Variants in KIRREL3 observed in about 807,000 individuals in gnomAD.
KIRREL3 encodes kirre like nephrin family adhesion molecule 3.
A neutral mutation model predicts 89.7 loss-of-function variants in KIRREL3; 36 were observed. That is an observed-to-expected ratio of 0.40 (90% CI 0.31 to 0.53). The LOEUF is 0.53. Among genes scored for constraint, KIRREL3 ranks in the 20% least tolerant of loss-of-function variants. The probability of loss-of-function intolerance (pLI) is 0.49; values close to 1 mark genes in which losing one functional copy is unlikely to be tolerated. For missense variants in KIRREL3, 864 were observed against 1,056.6 expected (o/e 0.82, Z 2.53); for synonymous variants, 445 against 441.4 (o/e 1.01, Z -0.10).
chr11:126,945,805 C>G (rs1191747988), intron 1 of KIRREL3, among the ~76,000 whole-genome samples: 1 of 152,168 alleles, frequency 6.6e-6, no homozygotes, highest in Non-Finnish European at 1.5e-5. Flanking sequence ...GTTTTCCAAG[C>G]TTCTGTTAGT....
At chr11:126,548,767 C>T (rs1939019712) in intron 2 of KIRREL3, among the ~76,000 whole-genome samples, 1 of 152,196 alleles carries the variant, frequency 6.6e-6, no homozygotes, top group Admixed American at 6.5e-5. Context: ...ATCTCTGAAT[C>T]CAGCAGAAAT....
At chr11:126,854,126 T>TTGTGTGTGTG (rs375873911) in intron 1 of KIRREL3, among the ~76,000 whole-genome samples, 2,055 of 143,954 alleles carry the variant, frequency 0.014, 28 homozygotes, top group African/African-American at 0.027. Flanking sequence ...AATAAGTTTC[T>TTGTGTGTGTG]TGTGTGTGTG....
At chr11:126,968,303 C>T (rs954077913) in intron 1 of KIRREL3, among the ~76,000 whole-genome samples, 1 of 151,786 alleles carries the variant, frequency 6.6e-6, no homozygotes, top group Non-Finnish European at 1.5e-5. Context: ...CTGCCATGCT[C>T]CAGATGTAGG....
Position 126,744,466 on chromosome 11 carries a change from C to A in KIRREL3, c.56-181554G>T, listed in dbSNP as rs891416433. On this transcript the variant is annotated intron_variant, in intron 1 of 16. Transcript: ENST00000525144. The surrounding 1 kb of genome is among the most constrained non-coding windows in gnomAD (Gnocchi z 4.7). Reference sequence around the variant, plus strand: ...CGGGGACAAGGAAATGGAGAGGTGGCGCAGGTGCGAAATGTATCTTGATGG... The same window carrying A: ...CGGGGACAAGGAAATGGAGAGGTGGAGCAGGTGCGAAATGTATCTTGATGG... Among the ~76,000 whole-genome samples the A allele has an allele frequency of 6.6e-6, 1 of 152,116 alleles. No homozygotes were observed. Among genetic ancestry groups the A allele is most frequent in the East Asian group, 1.9e-4 (1 of 5,188 alleles).
intron 1 of KIRREL3, among the ~76,000 whole-genome samples, chr11:126,621,166 A>G (rs1018697741): frequency 6.6e-6 from 1 of 152,260 alleles, no homozygotes; most frequent in African/African-American, 2.4e-5. Flanking sequence ...AATTACTGCT[A>G]AGATGTAGCT....
rs1183525481 is a variant in KIRREL3 at position 126,685,000 on chromosome 11, C to T, written c.56-122088G>A. Among the ~76,000 whole-genome samples the T allele has an allele frequency of 6.6e-6, 1 of 152,140 alleles. No individual in the cohort carries two copies. Among genetic ancestry groups the T allele is most frequent in the Non-Finnish European group, 1.5e-5 (1 of 68,024 alleles). On this transcript the variant is annotated intron_variant, in intron 1 of 16. Coordinates refer to ENST00000525144, the MANE Select transcript of KIRREL3 (RefSeq NM_032531.4). This position sits in a 1 kb window ranked among gnomAD's most constrained non-coding sequence, Gnocchi z 4.2. ...TTCTGGCTTCCCTCTTTTTCTCCTT[C>T]CTCTTCTCCTCCTCTAATATGGAAG... is the stretch of plus-strand genomic sequence containing the variant.
chr11:126,845,390 T>C (rs1215432752), intron 1 of KIRREL3, among the ~76,000 whole-genome samples: 2 of 152,118 alleles, frequency 1.3e-5, no homozygotes, highest in Non-Finnish European at 2.9e-5. Context: ...TCACTGTTTA[T>C]CTCCTCTGTT....
intron 1 of KIRREL3, among the ~76,000 whole-genome samples, chr11:126,916,403 C>A (rs1255202220): frequency 6.6e-6 from 1 of 152,182 alleles, no homozygotes; most frequent in Non-Finnish European, 1.5e-5. Flanking sequence ...CCAGAATCTG[C>A]ATTTTTAACA....
chr11:126,453,664 C>A (rs1185838994), intron 7 of KIRREL3, among the ~76,000 whole-genome samples: 1 of 152,174 alleles, frequency 6.6e-6, no homozygotes, highest in Admixed American at 6.5e-5. Context: ...GCGCCCACCA[C>A]CTCCCCTCTC....
At position 126,627,058 on chromosome 11, in the gene KIRREL3, G is replaced by C. The variant is rs1361306215; in HGVS notation, c.56-64146C>G. Among the ~76,000 whole-genome samples the C allele has an allele frequency of 6.6e-6, 1 of 151,768 alleles. No individual in the cohort carries two copies. The highest frequency in any genetic ancestry group is 1.5e-5 in the Non-Finnish European group (1 of 67,964). ...CCACAGTTTTGAAGCCTCAAAGGAA[G>C]GTGTGTGTGCATGCATGTGTGTGTA... On this transcript the variant is annotated intron_variant, in intron 1 of 16. Coordinates refer to ENST00000525144, the MANE Select transcript of KIRREL3 (RefSeq NM_032531.4). The surrounding 1 kb of genome is among the most constrained non-coding windows in gnomAD (Gnocchi z 5.0).
chr11:126,986,447 C>T (rs1344315236), intron 1 of KIRREL3, among the ~76,000 whole-genome samples: 1 of 152,032 alleles, frequency 6.6e-6, no homozygotes, highest in Non-Finnish European at 1.5e-5. Context: ...AAAATCTATC[C>T]TTTATGGACA....
At chr11:126,730,171 C>T (rs61897914) in intron 1 of KIRREL3, among the ~76,000 whole-genome samples, 24,486 of 152,154 alleles carry the variant, frequency 0.16, 2,091 homozygotes, top group African/African-American at 0.19. Flanking sequence ...ATTTACATCA[C>T]GTCTCCACTT....
At chr11:126,690,561 G>T (rs1946841400) in intron 1 of KIRREL3, among the ~76,000 whole-genome samples, 1 of 152,032 alleles carries the variant, frequency 6.6e-6, no homozygotes, top group Non-Finnish European at 1.5e-5. Flanking sequence ...GGGTTTTCTG[G>T]GTGTCCCTAG....
intron 2 of KIRREL3, among the ~76,000 whole-genome samples, chr11:126,554,362 A>G (rs1452340745): frequency 6.6e-6 from 1 of 152,128 alleles, no homozygotes; most frequent in Non-Finnish European, 1.5e-5. Context: ...TGTTTGCCAT[A>G]AGCCCCAGGA....
At chr11:126,866,776 C>T (rs1010364363) in intron 1 of KIRREL3, among the ~76,000 whole-genome samples, 6 of 152,076 alleles carry the variant, frequency 3.9e-5, no homozygotes, top group African/African-American at 1.4e-4. Flanking sequence ...GACGCAGACG[C>T]GAGGAGAATT....
At position 126,519,170 on chromosome 11, in the gene KIRREL3, C is replaced by A. The variant is rs9971527; in HGVS notation, c.433+2145G>T. The stretch of plus-strand genomic sequence containing the variant: ...AGAGGGCGGTGTCAGGCCATGCCAC[C>A]GGAGAGGAAGGGGGAGCGAATGCCT... On this transcript the variant is annotated intron_variant, in intron 4 of 16. Transcript: ENST00000525144. The surrounding 1 kb of genome is among the most constrained non-coding windows in gnomAD (Gnocchi z 4.3). Among the ~76,000 whole-genome samples, 41,045 of 152,124 alleles carry A rather than the reference C, an allele frequency of 0.27. 6,600 individuals carry two copies. The highest frequency in any genetic ancestry group is 0.44 in the African/African-American group (18,293 of 41,496).
Position 126,498,009 on chromosome 11 carries a change from G to A in KIRREL3, c.433+23306C>T, listed in dbSNP as rs900881712. Among the ~76,000 whole-genome samples the A allele has an allele frequency of 2.0e-5, 3 of 152,180 alleles. No individual in the cohort carries two copies. Among genetic ancestry groups the A allele is most frequent in the African/African-American group, 7.2e-5 (3 of 41,426 alleles). The stretch of plus-strand genomic sequence containing the variant: ...CTGCAGATAAGTGAGTCAGGCATCT[G>A]GCTCAGTAAAAAGTGTCTTCTCCAT... On this transcript the variant is annotated intron_variant, in intron 4 of 16. Coordinates refer to ENST00000525144, the MANE Select transcript of KIRREL3 (RefSeq NM_032531.4). The surrounding 1 kb of genome is among the most constrained non-coding windows in gnomAD (Gnocchi z 4.3).
rs1174717454 is a variant in KIRREL3 at position 126,891,989 on chromosome 11, T to C, written c.55+108466A>G. On this transcript the variant is annotated intron_variant, in intron 1 of 16. Coordinates refer to ENST00000525144, the MANE Select transcript of KIRREL3 (RefSeq NM_032531.4). This position sits in a 1 kb window ranked among gnomAD's most constrained non-coding sequence, Gnocchi z 5.1. Reference sequence around the variant, plus strand: ...AGGCCACTGCCAGCATTGGGAATGGTTGGCTCCCTTCCCCTTCCTTCCATG... The same window carrying C: ...AGGCCACTGCCAGCATTGGGAATGGCTGGCTCCCTTCCCCTTCCTTCCATG... Among the ~76,000 whole-genome samples the C allele has an allele frequency of 6.6e-6, 1 of 152,182 alleles. No individual in the cohort carries two copies. The highest frequency in any genetic ancestry group is 1.5e-5 in the Non-Finnish European group (1 of 68,016).
At chr11:126,540,462 G>A (rs1938274042) in intron 2 of KIRREL3, among the ~76,000 whole-genome samples, 1 of 152,216 alleles carries the variant, frequency 6.6e-6, no homozygotes, top group African/African-American at 2.4e-5. Flanking sequence ...ATCCACCAAG[G>A]TTGTCCTGGA....
Sources: gnomAD v4.1 joint callset for allele counts (sites outside exome capture counted in the v4.1 genomes callset) on GRCh38, gnomAD v4.1.1 for gene constraint, Gnocchi (gnomAD v3.1) non-coding constraint, MANE v1.5 for transcripts, NCBI Gene and HGNC (gene_info 2026-07-23, HGNC 2026-07-21) for gene names.